Variants in NLGN3 observed in about 807,000 individuals in gnomAD.
The protein encoded by NLGN3 is neuroligin-3.
A neutral mutation model predicts 42.9 loss-of-function variants in NLGN3; 11 were observed. That is an observed-to-expected ratio of 0.26 (90% confidence interval 0.16 to 0.42). The LOEUF (loss-of-function observed/expected upper bound fraction) is 0.42, where lower values mean the gene tolerates loss of function less well. NLGN3 is among the 10% of genes least tolerant of loss of function. NLGN3 has a pLI of 1.00. For missense variants in NLGN3, 374 were observed against 733.8 expected, an observed-to-expected ratio of 0.51 and a Z score of 5.67; for synonymous variants, 279 against 312.7, an observed-to-expected ratio of 0.89 and a Z score of 1.14.
chrX:71,173,924 G>C (rs963627850), downstream of NLGN3, among the ~76,000 whole-genome samples: 2 of 111,837 alleles, frequency 1.8e-5, no homozygotes, highest in African/African-American at 6.5e-5. Context: ...TTCCAAATTG[G>C]AGGGAAACCT....
Position 71,167,459 on chromosome X carries a change from C to T in NLGN3, c.1362C>T (p.Ile454=). 1 of 1,211,265 alleles carries T rather than the reference C, an allele frequency of 8.3e-7. No homozygotes were observed. The highest frequency in any genetic ancestry group is 2.3e-4 in the Middle Eastern group (1 of 4,355). The change falls in exon 7 of 8, where the codon ATC becomes ATT. Residue 454 remains isoleucine (I), a synonymous_variant. Coordinates refer to ENST00000358741, the MANE Select transcript of NLGN3 (RefSeq NM_181303.2). ...GTAAGGACACCCTGCGAGAGACCAT[C>T]AAGTTCATGTATACAGACTGGGCAG... is the stretch of plus-strand genomic sequence containing the variant. ...PEGKDTLRET[I]KFMYTDWADR... is the part of the protein sequence containing the mutation.
chrX:71,157,579 C>T (rs1455815433), intron 5 of NLGN3, among the ~76,000 whole-genome samples: 2 of 110,991 alleles, frequency 1.8e-5, no homozygotes, highest in Non-Finnish European at 3.8e-5. Context: ...CTGCCTCAGC[C>T]TCCCAAAGTG....
Position 71,170,407 on chromosome X carries a change from C to T in NLGN3, c.*310C>T. The T allele has an allele frequency of 2.1e-6, 2 of 971,558 alleles. No individual in the cohort carries two copies. Among genetic ancestry groups the T allele is most frequent in the Non-Finnish European group, 2.6e-6 (2 of 769,112 alleles). 80.1% of individuals were successfully genotyped at this position (971,558 alleles called of 1,213,427 possible). ...CCAGCTCCCTGAATCTGACCACAGA[C>T]ACTCCTGGGGGGCCTGAAAGCAACA... On this transcript the variant is annotated 3_prime_UTR_variant, in exon 8 of 8. Transcript: ENST00000358741.
In NLGN3 at chrX:71,153,768, T is replaced by C. The variant is rs758789475; in HGVS notation, c.577+232T>C. On this transcript the variant is annotated intron_variant, in intron 4 of 7. Transcript: ENST00000358741. ...CACAAGCAGAGCCATGGGGAGGACA[T>C]CCTCCTTGCCTGGGTCTCCCGCCCC... is the stretch of plus-strand genomic sequence containing the variant. Among the ~76,000 whole-genome samples, 9 of 111,944 alleles carry C rather than the reference T, an allele frequency of 8.0e-5. No homozygotes were observed. The South Asian group carries it at 3.4e-3, about 42-fold the overall frequency.
chrX:71,150,713 A>G (rs1468932819), intron 3 of NLGN3, among the ~76,000 whole-genome samples: 7 of 108,686 alleles, frequency 6.4e-5, no homozygotes, highest in African/African-American at 2.0e-4. Flanking sequence ...AAAAAAAAAA[A>G]AAAAAAAAAG....
chrX:71,158,062 T>TTTAATTAA (rs576978048), intron 5 of NLGN3, among the ~76,000 whole-genome samples: 3 of 108,438 alleles, frequency 2.8e-5, no homozygotes, highest in African/African-American at 6.7e-5. Flanking sequence ...ACTTTCTTTT[T>TTTAATTAA]TTAATTAATT....
intron 7 of NLGN3, 86 bp from the exon 8 acceptor site, chrX:71,169,168 A>C: frequency 9.4e-7 from 1 of 1,068,494 alleles, no homozygotes; most frequent in Non-Finnish European, 1.3e-6. Context: ...AAACTGGGAA[A>C]GAGGTTTGGC....
At position 71,170,669 on chromosome X, in the gene NLGN3, T is replaced by C; in HGVS notation, c.*572T>C. 6 of 768,558 alleles carry C rather than the reference T, an allele frequency of 7.8e-6. No individual in the cohort carries two copies. The highest frequency in any genetic ancestry group is 9.3e-6 in the Non-Finnish European group (6 of 647,428). 63.3% of individuals were successfully genotyped at this position (768,558 alleles called of 1,213,427 possible). A position where few individuals can be genotyped will look rare whatever the true frequency, so the allele number is the denominator to read the frequency against. ...TCAGGCCCGAAGGTCTCTCTGGCTC[T>C]AGGACCCCCAGTGCTCACACAATCA... is the stretch of plus-strand genomic sequence containing the variant. On this transcript the variant is annotated 3_prime_UTR_variant, in exon 8 of 8. Coordinates refer to ENST00000358741, the MANE Select transcript of NLGN3 (RefSeq NM_181303.2).
chrX:71,162,204 G>T (rs186581555), intron 5 of NLGN3, among the ~76,000 whole-genome samples: 10 of 110,146 alleles, frequency 9.1e-5, no homozygotes, highest in Non-Finnish European at 1.3e-4. Context: ...GCTCACTGCA[G>T]CCTTCACACC....
chrX:71,149,808 C>A (rs2092384228), intron 3 of NLGN3, among the ~76,000 whole-genome samples: 1 of 111,105 alleles, frequency 9.0e-6, no homozygotes, highest in African/African-American at 3.3e-5. Flanking sequence ...CAACTCCCAT[C>A]TGCTCATTCC....
At chrX:71,151,594 C>G (rs1163248576) in intron 3 of NLGN3, among the ~76,000 whole-genome samples, 1 of 112,030 alleles carries the variant, frequency 8.9e-6, no homozygotes, top group African/African-American at 3.2e-5. Flanking sequence ...GTCAGGCTGG[C>G]CTGGGTGAGA....
chrX:71,165,469 G>T (rs187501990), intron 6 of NLGN3, among the ~76,000 whole-genome samples: 44 of 111,644 alleles, frequency 3.9e-4, no homozygotes, highest in Non-Finnish European at 6.8e-4. Context: ...GCCTTTCCTG[G>T]AGTGGTGCTA....
chrX:71,152,234 G>A (rs1213494789), intron 3 of NLGN3, among the ~76,000 whole-genome samples: 1 of 110,930 alleles, frequency 9.0e-6, no homozygotes, highest in Admixed American at 9.6e-5. Context: ...CACAGCCATC[G>A]CCAGGATGCA....
At chrX:71,160,213 C>CT (rs754499358) in intron 5 of NLGN3, among the ~76,000 whole-genome samples, 7,151 of 95,669 alleles carry the variant, frequency 0.075, 635 homozygotes, top group African/African-American at 0.22. Context: ...TTCTTTCTTT[C>CT]TTTTTTTTTT....
Position 71,147,767 on chromosome X carries a change from C to G in NLGN3, c.18C>G (p.Gly6=). MWLRL[G]PPSLSLSPKP... is the part of the protein sequence containing the mutation. ...CCCGGAACATGTGGCTGCGGCTTGGCCCGCCCTCGCTGTCCCTGAGCCCCA... is the reference window on the plus strand; with the variant it reads ...CCCGGAACATGTGGCTGCGGCTTGGGCCGCCCTCGCTGTCCCTGAGCCCCA... Residue 6 remains glycine (G), a synonymous_variant, in exon 2 of 8, where the codon GGC becomes GGG. Transcript: ENST00000358741. 1.7e-6 allele frequency: 2 copies of G among 1,206,068 alleles called. No individual in the cohort carries two copies. Among genetic ancestry groups the G allele is most frequent in the Non-Finnish European group, 2.2e-6 (2 of 893,546 alleles).
chrX:71,163,327 T>C (rs1403054750), intron 5 of NLGN3, among the ~76,000 whole-genome samples: 1 of 112,097 alleles, frequency 8.9e-6, no homozygotes, highest in Non-Finnish European at 1.9e-5. Flanking sequence ...TTGGCAGGTA[T>C]CAGCATCACC....
downstream of NLGN3, among the ~76,000 whole-genome samples, chrX:71,173,288 C>T (rs890193264): frequency 3.1e-4 from 34 of 111,251 alleles, no homozygotes; most frequent in African/African-American, 1.0e-3. Context: ...AAAACCAGCT[C>T]CAATCCTATT....
In NLGN3 at chrX:71,155,216, A is replaced by C. The variant is rs1235827466; in HGVS notation, c.580A>C (p.Ile194Leu). Residue 194 changes from isoleucine to leucine, a missense_variant and splice_region_variant, in exon 5 of 8, where the codon ATC (isoleucine) becomes CTC (leucine). Around this residue, in one of 6 missense-constraint regions of NLGN3, gnomAD observed 109 missense variants for 173.3 expected, o/e 0.63. Transcript: ENST00000358741. ...TGTCTCACCCCTTCTCCTTGCAGACATCCGGGACAGTGGTGCTAAACCCGT... is the reference window on the plus strand; with the variant it reads ...TGTCTCACCCCTTCTCCTTGCAGACCTCCGGGACAGTGGTGCTAAACCCGT... Reference protein sequence around the residue: ...ADNDGDEDEDIRDSGAKPVMV... With the variant: ...ADNDGDEDEDLRDSGAKPVMV... The C allele has an allele frequency of 8.3e-7, 1 of 1,211,974 alleles. No individual in the cohort carries two copies. Among genetic ancestry groups the C allele is most frequent in the Admixed American group, 2.2e-5 (1 of 46,118 alleles).
At chrX:71,174,135 C>G (rs780710875), downstream of NLGN3, among the ~76,000 whole-genome samples, 1 of 112,320 alleles carries the variant, frequency 8.9e-6, no homozygotes, top group Admixed American at 9.4e-5. Context: ...CTCAGCTCCT[C>G]TTTCACTCCT....
Sources: gnomAD v4.1 joint callset for allele counts (sites outside exome capture counted in the v4.1 genomes callset) on GRCh38, gnomAD v4.1.1 for gene constraint, gnomAD v4.1.1 regional missense constraint, MANE v1.5 for transcripts, NCBI Gene and HGNC (gene_info 2026-07-23, HGNC 2026-07-21) for gene names.